HEMK2: variants seen among roughly 807,000 people sequenced by gnomAD.
HEMK2 encodes methyltransferase HEMK2.
At chr21:28,792,823 T>C in the HEMK2 span, among the ~76,000 whole-genome samples, 1 of 152,176 alleles carries the variant, frequency 6.6e-6, no homozygotes, top group African/African-American at 2.4e-5. Flanking sequence ...GTTCTCACTG[T>C]TTTTCATCTC....
chr21:28,846,077 T>A, the HEMK2 span, among the ~76,000 whole-genome samples: 3 of 152,200 alleles, frequency 2.0e-5, no homozygotes, highest in African/African-American at 7.2e-5. Flanking sequence ...ATTAGTTTGC[T>A]TCAGAGAATG....
chr21:28,596,985 T>A, the HEMK2 span, among the ~76,000 whole-genome samples: 23 of 152,242 alleles, frequency 1.5e-4, no homozygotes, highest in Admixed American at 6.5e-4. Context: ...TAGCTTTTTT[T>A]AATTCAGATC....
At chr21:28,831,462 C>CGAAAGAAAGAAG in the HEMK2 span, among the ~76,000 whole-genome samples, 1 of 23,612 alleles carries the variant, frequency 4.2e-5, no homozygotes, top group South Asian at 1.7e-3. Flanking sequence ...AAGAAAAGAA[C>CGAAAGAAAGAAG]GAAAGAAAGA....
the HEMK2 span, among the ~76,000 whole-genome samples, chr21:28,697,958 G>C: frequency 1.5e-4 from 23 of 152,064 alleles, no homozygotes; most frequent in Non-Finnish European, 3.2e-4. Flanking sequence ...TCAGTGTCTT[G>C]TAAGGGCCTG....
the HEMK2 span, chr21:28,626,714 T>G: frequency 1.3e-5 from 2 of 152,044 alleles, no homozygotes; most frequent in African/African-American, 4.8e-5. Flanking sequence ...TAAAAATTTT[T>G]TTAAAAGGGC....
At chr21:28,659,060 T>C in the HEMK2 span, among the ~76,000 whole-genome samples, 35 of 152,262 alleles carry the variant, frequency 2.3e-4, no homozygotes, top group Middle Eastern at 0.014. Context: ...TTTTCTTAGA[T>C]ACAAACTATC....
the HEMK2 span, among the ~76,000 whole-genome samples, chr21:28,628,384 T>C: frequency 1.2e-4 from 18 of 152,344 alleles, no homozygotes; most frequent in East Asian, 3.3e-3. Context: ...GACTGCATTA[T>C]TATAAATAAG....
At chr21:28,722,547 G>A in the HEMK2 span, among the ~76,000 whole-genome samples, 1 of 152,190 alleles carries the variant, frequency 6.6e-6, no homozygotes, top group African/African-American at 2.4e-5. Context: ...TATTAGCAAA[G>A]GACAATGACC....
At chr21:28,776,533 T>G in the HEMK2 span, among the ~76,000 whole-genome samples, 1 of 152,132 alleles carries the variant, frequency 6.6e-6, no homozygotes, top group African/African-American at 2.4e-5. Context: ...ATAGCATAGA[T>G]GTATATATGA....
the HEMK2 span, among the ~76,000 whole-genome samples, chr21:28,764,905 C>T: frequency 6.6e-6 from 1 of 152,124 alleles, no homozygotes; most frequent in South Asian, 2.1e-4. Context: ...TCAAGACATA[C>T]TATAAATTGT....
chr21:28,585,664 G>GA, the HEMK2 span, among the ~76,000 whole-genome samples: 1 of 152,134 alleles, frequency 6.6e-6, no homozygotes, highest in African/African-American at 2.4e-5. Context: ...TGACATATCT[G>GA]AAAAAGAGTG....
At chr21:28,584,538 C>T in the HEMK2 span, among the ~76,000 whole-genome samples, 2 of 151,976 alleles carry the variant, frequency 1.3e-5, no homozygotes, top group African/African-American at 2.4e-5. Flanking sequence ...GAAAGCAAAA[C>T]CTTTTAATTT....
At chr21:28,863,880 T>A in the HEMK2 span, among the ~76,000 whole-genome samples, 1 of 152,170 alleles carries the variant, frequency 6.6e-6, no homozygotes, top group African/African-American at 2.4e-5. Flanking sequence ...CAGGCCGGAG[T>A]GCAGTGGCAC....
the HEMK2 span, among the ~76,000 whole-genome samples, chr21:28,580,588 A>C: frequency 6.6e-6 from 1 of 152,098 alleles, no homozygotes. Context: ...AAGACGACGA[A>C]GAAGACAAAG....
At chr21:28,626,451 T>C in the HEMK2 span, 4 of 152,110 alleles carry the variant, frequency 2.6e-5, no homozygotes, top group African/African-American at 4.8e-5. Context: ...CAAGCACAGA[T>C]TGGGAGCAAA....
At chr21:28,607,039 T>C in the HEMK2 span, among the ~76,000 whole-genome samples, 1 of 152,190 alleles carries the variant, frequency 6.6e-6, no homozygotes, top group Admixed American at 6.5e-5. Flanking sequence ...GGAGAGATTA[T>C]GGAGGCTTGC....
the HEMK2 span, among the ~76,000 whole-genome samples, chr21:28,749,082 G>A: frequency 2.0e-5 from 3 of 152,242 alleles, no homozygotes; most frequent in East Asian, 1.9e-4. Flanking sequence ...TCTGCTGTAC[G>A]AGTTTGCTCT....
chr21:28,792,123 TG>T, the HEMK2 span, among the ~76,000 whole-genome samples: 1 of 152,110 alleles, frequency 6.6e-6, no homozygotes, highest in African/African-American at 2.4e-5. Context: ...TTACCCTATA[TG>T]GTCTGAAAGG....
the HEMK2 span, among the ~76,000 whole-genome samples, chr21:28,864,881 G>T: frequency 6.5e-4 from 35 of 54,254 alleles, no homozygotes; most frequent in African/African-American, 1.5e-3. Flanking sequence ...ATGATAGGTA[G>T]ATATAGATGA....
Sources: gnomAD v4.1 joint callset for allele counts (sites outside exome capture counted in the v4.1 genomes callset) on GRCh38, gnomAD v4.1.1 for gene constraint, MANE v1.5 for transcripts, NCBI Gene and HGNC (gene_info 2026-07-23, HGNC 2026-07-21) for gene names.